The following CNTLN variants were observed in gnomAD, a reference collection of about 807,000 sequenced individuals.
CNTLN encodes centlein.
Under a neutral mutation model 180.0 loss-of-function variants are expected in CNTLN, and 212 were observed. The observed-to-expected ratio is 1.18, with a 90% CI of 1.05 to 1.32. The LOEUF (loss-of-function observed/expected upper bound fraction) is 1.32, where lower values mean the gene tolerates loss of function less well. Among genes scored for constraint, CNTLN ranks in the 40% most tolerant of loss-of-function variants. The probability of loss-of-function intolerance (pLI) is 0.00; values close to 1 mark genes in which losing one functional copy is unlikely to be tolerated. For missense variants in CNTLN, 2,095 were observed against 1,610.9 expected, an observed-to-expected ratio of 1.30 and a Z score of -5.14; for synonymous variants, 722 against 563.1, an observed-to-expected ratio of 1.28 and a Z score of -3.99.
At chr9:17,138,002 G>T (rs553316239) in intron 1 of CNTLN, among the ~76,000 whole-genome samples, 35 of 152,182 alleles carry the variant, frequency 2.3e-4, no homozygotes, top group Non-Finnish European at 2.4e-4. Context: ...AAAGCTATCT[G>T]TATTGGACTT....
intron 23 of CNTLN, 27 bp downstream of exon 23, chr9:17,466,918 T>G (rs1370270184): frequency 6.3e-7 from 1 of 1,578,106 alleles, no homozygotes; most frequent in Non-Finnish European, 8.7e-7. Context: ...GTTTACTAAC[T>G]TGTACTTTAC....
chr9:17,382,752 C>T (rs1554706929), intron 13 of CNTLN, among the ~76,000 whole-genome samples: 1 of 152,136 alleles, frequency 6.6e-6, no homozygotes, highest in African/African-American at 2.4e-5. Flanking sequence ...CCTTCCAGCC[C>T]TATTCTTGGT....
the CNTLN span, among the ~76,000 whole-genome samples, chr9:17,512,978 A>T: frequency 1.3e-5 from 2 of 151,970 alleles, no homozygotes; most frequent in Non-Finnish European, 1.5e-5. Flanking sequence ...CACTATGCCC[A>T]GCTAATTTTT....
At chr9:17,165,662 A>G (rs71504840) in intron 2 of CNTLN, among the ~76,000 whole-genome samples, 1,952 of 152,286 alleles carry the variant, frequency 0.013, 22 homozygotes, top group Non-Finnish European at 0.019. Context: ...TGAAATAAGT[A>G]TCTTCTGGAC....
intron 13 of CNTLN, among the ~76,000 whole-genome samples, chr9:17,374,677 T>C (rs1356427502): frequency 1.3e-5 from 2 of 152,038 alleles, no homozygotes; most frequent in African/African-American, 4.8e-5. Context: ...CTGGCCAACA[T>C]GGTGAAACTC....
intron 18 of CNTLN, among the ~76,000 whole-genome samples, chr9:17,434,011 GA>G (rs34625442): frequency 0.42 from 63,909 of 151,964 alleles, 15,788 homozygotes; most frequent in Non-Finnish European, 0.55. Context: ...TCCTTATGCT[GA>G]TCTATTCTTA....
At chr9:17,339,389 A>G (rs1336168312) in intron 10 of CNTLN, among the ~76,000 whole-genome samples, 2 of 152,216 alleles carry the variant, frequency 1.3e-5, no homozygotes, top group African/African-American at 4.8e-5. Context: ...GAAAGAAGCT[A>G]ACTTTTGCTT....
rs1164180064 is a variant in CNTLN, at chr9:17,451,394, T to C, written c.3115-6130T>C. On this transcript the variant is annotated intron_variant, in intron 18 of 25. Coordinates refer to ENST00000380647, the MANE Select transcript of CNTLN (RefSeq NM_017738.4). ...TTATGAGAATGTAAATGAACTTATT[T>C]CTGTATTCAACATTAAATAGTCTTA... is the stretch of plus-strand genomic sequence containing the variant. Among the ~76,000 whole-genome samples, 4 of 152,216 alleles carry C rather than the reference T, an allele frequency of 2.6e-5. No individual in the cohort carries two copies. In the East Asian group the frequency reaches 5.8e-4, roughly 22 times the overall value.
rs564186420 is a variant in CNTLN at position 17,346,016 on chromosome 9, C to T, written c.1886+3572C>T. On this transcript the variant is annotated intron_variant, in intron 12 of 25. Coordinates refer to ENST00000380647, the MANE Select transcript of CNTLN (RefSeq NM_017738.4). ...TTTCTTCTTCATTATTTGTATTATT[C>T]TGTTTTCACAGTATAAAGAAATACA... Among the ~76,000 whole-genome samples, 4 of 152,210 alleles carry T rather than the reference C, an allele frequency of 2.6e-5. No individual in the cohort carries two copies. The South Asian group carries it at 8.3e-4, about 32-fold the overall frequency.
chr9:17,312,639 G>A (rs115353625), intron 8 of CNTLN, among the ~76,000 whole-genome samples: 1,907 of 145,468 alleles, frequency 0.013, 40 homozygotes, highest in African/African-American at 0.045. Flanking sequence ...TCCTGGCCTC[G>A]TTATCCACCC....
At chr9:17,245,772 C>T (rs535117377) in intron 5 of CNTLN, among the ~76,000 whole-genome samples, 3 of 151,984 alleles carry the variant, frequency 2.0e-5, no homozygotes, top group African/African-American at 7.2e-5. Flanking sequence ...TATTTTCAAA[C>T]AACCCGTCTT....
chr9:17,162,061 G>C (rs912162501), intron 2 of CNTLN, among the ~76,000 whole-genome samples: 1 of 152,078 alleles, frequency 6.6e-6, no homozygotes, highest in African/African-American at 2.4e-5. Flanking sequence ...AGAATGTATA[G>C]CAACCTCGTG....
At chr9:17,249,359 T>C (rs1233751714) in intron 5 of CNTLN, among the ~76,000 whole-genome samples, 1 of 149,276 alleles carries the variant, frequency 6.7e-6, no homozygotes. Context: ...TTTTTGTTTT[T>C]TTTTTTTGAG....
At chr9:17,430,768 A>G (rs1271932508) in intron 18 of CNTLN, among the ~76,000 whole-genome samples, 1 of 151,990 alleles carries the variant, frequency 6.6e-6, no homozygotes, top group Non-Finnish European at 1.5e-5. Context: ...GATCAATTTT[A>G]TTTAGCACCT....
chr9:17,255,741 A>G (rs1716018701), intron 5 of CNTLN, among the ~76,000 whole-genome samples: 1 of 151,734 alleles, frequency 6.6e-6, no homozygotes, highest in Non-Finnish European at 1.5e-5. Flanking sequence ...GATTGGTGTT[A>G]ATTCTTTAAA....
intron 14 of CNTLN, among the ~76,000 whole-genome samples, chr9:17,393,135 C>T (rs1342932517): frequency 6.6e-6 from 1 of 151,966 alleles, no homozygotes; most frequent in East Asian, 1.9e-4. Flanking sequence ...TTGCTGTGTC[C>T]TCACATGGTC....
Position 17,394,863 on chromosome 9 carries a change from CAG to C in CNTLN, c.2412_2413del (p.Arg804SerfsTer2), listed in dbSNP as rs1564066769. 1 of 1,613,962 alleles carries C rather than the reference CAG, an allele frequency of 6.2e-7. No individual in the cohort carries two copies. Among genetic ancestry groups the C allele is most frequent in the South Asian group, 1.1e-5 (1 of 91,076 alleles). The stretch of plus-strand genomic sequence containing the variant: ...TGGAGAAATCACACCAGTCAGCAGA[CAG>C]AGCTAAATCCGAGATGGCCACCATG... ...PMEKSHQSAD[R>X]AKSEMATMKV... On this transcript the variant is annotated frameshift_variant, in exon 15 of 26. Transcript: ENST00000380647. LOFTEE classifies it high-confidence loss of function.
chr9:17,482,820 G>A (rs1395742915), intron 23 of CNTLN, among the ~76,000 whole-genome samples: 1 of 152,080 alleles, frequency 6.6e-6, no homozygotes, highest in Non-Finnish European at 1.5e-5. Flanking sequence ...GGAGAAAGAT[G>A]GACTGCTAAG....
At chr9:17,354,326 C>T (rs902322163) in intron 12 of CNTLN, among the ~76,000 whole-genome samples, 3 of 152,198 alleles carry the variant, frequency 2.0e-5, no homozygotes, top group African/African-American at 4.8e-5. Flanking sequence ...TGCAGGCGCA[C>T]GGCACCGGGA....
Sources: gnomAD v4.1 joint callset for allele counts (sites outside exome capture counted in the v4.1 genomes callset) on GRCh38, gnomAD v4.1.1 for gene constraint, MANE v1.5 for transcripts, NCBI Gene and HGNC (gene_info 2026-07-23, HGNC 2026-07-21) for gene names.